Variants in GDPD5 observed in about 807,000 individuals in gnomAD.
The protein encoded by GDPD5 is glycerophosphodiester phosphodiesterase domain containing 5.
In GDPD5, 48 loss-of-function variants were observed where a neutral mutation model predicts 75.1. That is an observed-to-expected ratio of 0.64 (90% CI 0.51 to 0.81). The LOEUF (loss-of-function observed/expected upper bound fraction) is 0.81, where lower values mean the gene tolerates loss of function less well. GDPD5 is among the 40% of genes least tolerant of loss of function. GDPD5 has a pLI of 0.00. For synonymous variants in GDPD5, 336 were observed against 339.0 expected (o/e 0.99, Z 0.10); for missense variants, 706 against 822.6 (o/e 0.86, Z 1.73).
intron 9 of GDPD5, 89 bp downstream of exon 9, chr11:75,448,888 C>A: frequency 7.9e-6 from 11 of 1,399,420 alleles, no homozygotes; most frequent in Non-Finnish European, 1.0e-5. Context: ...CAAATGGTTG[C>A]TACCATTACA....
intron 5 of GDPD5, 86 bp from the exon 6 acceptor site, chr11:75,456,902 G>A (rs1444441606): frequency 2.4e-5 from 32 of 1,348,910 alleles, no homozygotes; most frequent in East Asian, 2.3e-4. Flanking sequence ...TCCCCACTGC[G>A]GCTCTGGGCC....
At chr11:75,443,424 C>T in intron 10 of GDPD5, 138 bp from the exon 11 acceptor site, 1 of 982,360 alleles carries the variant, frequency 1.0e-6, no homozygotes, top group Non-Finnish European at 1.5e-6. Context: ...CCTCAGTCTC[C>T]CCATCTGCAC....
chr11:75,455,585 G>C (rs1219162178), intron 6 of GDPD5, among the ~76,000 whole-genome samples: 1 of 152,228 alleles, frequency 6.6e-6, no homozygotes, highest in East Asian at 1.9e-4. Context: ...CTTCTAGCTA[G>C]AAGTGAGCCC....
rs143655840 is a variant in GDPD5 at position 75,506,354 on chromosome 11, T to C, written c.-144-16034A>G. On this transcript the variant is annotated intron_variant, in intron 1 of 16. Transcript: ENST00000336898. ...AACTTACTTGATAGGAAAAGGAAAA[T>C]TCATCATCAGGTAAACACAAGAGAG... 5.9e-5 allele frequency among the ~76,000 whole-genome samples: 9 copies of C among 151,950 alleles called. No individual in the cohort carries two copies. In the East Asian group the frequency reaches 1.7e-3, roughly 29 times the overall value.
chr11:75,521,173 C>T (rs1941441094), intron 1 of GDPD5, among the ~76,000 whole-genome samples: 1 of 152,186 alleles, frequency 6.6e-6, no homozygotes, highest in African/African-American at 2.4e-5. Context: ...GCCGACTCAC[C>T]CCAGGTCACA....
At chr11:75,458,863 G>A (rs902787999) in intron 4 of GDPD5, among the ~76,000 whole-genome samples, 2 of 152,084 alleles carry the variant, frequency 1.3e-5, no homozygotes, top group Non-Finnish European at 2.9e-5. Flanking sequence ...GCTCACTGAA[G>A]CTTTGACCTC....
chr11:75,456,774 G>A lies in GDPD5; in HGVS notation c.358C>T (p.Leu120=), dbSNP rs751476815. 6.2e-7 allele frequency: 1 copy of A among 1,614,258 alleles called. No homozygotes were observed. The highest frequency in any genetic ancestry group is 8.5e-7 in the Non-Finnish European group (1 of 1,180,040). The change falls in exon 6 of 17, where the codon CTG becomes TTG. Residue 120 remains leucine (L), a synonymous_variant. Transcript: ENST00000336898. The part of the protein sequence containing the change: ...CHIAVGQQMN[L]HWLHKIGLVV... Reference sequence around the variant, plus strand: ...GCCCTTACCTTGTGCAGCCAGTGCAGGTTCATCTGCTGCCCCACGGCAATG... The same window carrying A: ...GCCCTTACCTTGTGCAGCCAGTGCAAGTTCATCTGCTGCCCCACGGCAATG...
chr11:75,462,060 C>T (rs1490514651), intron 4 of GDPD5, among the ~76,000 whole-genome samples: 2 of 152,254 alleles, frequency 1.3e-5, no homozygotes, highest in Non-Finnish European at 2.9e-5. Flanking sequence ...CCAAACTCAT[C>T]TGCCAGCCCT....
intron 2 of GDPD5, among the ~76,000 whole-genome samples, chr11:75,482,730 C>G (rs1268618658): frequency 6.6e-6 from 1 of 152,208 alleles, no homozygotes; most frequent in Non-Finnish European, 1.5e-5. Context: ...CCTCCTGATC[C>G]TTCAAGTGTC....
intron 4 of GDPD5, among the ~76,000 whole-genome samples, chr11:75,459,651 A>G (rs1297725138): frequency 1.3e-5 from 2 of 152,158 alleles, no homozygotes; most frequent in African/African-American, 4.8e-5. Flanking sequence ...TCTACTAAAA[A>G]TACAAAAAAT....
intron 4 of GDPD5, among the ~76,000 whole-genome samples, chr11:75,458,565 G>A (rs1055333002): frequency 2.1e-4 from 32 of 152,020 alleles, no homozygotes; most frequent in Non-Finnish European, 4.0e-4. Flanking sequence ...CCAGCTACTC[G>A]GGAGGCCGAG....
intron 1 of GDPD5, among the ~76,000 whole-genome samples, chr11:75,499,820 C>T (rs772206151): frequency 8.5e-5 from 13 of 152,164 alleles, no homozygotes; most frequent in Non-Finnish European, 1.6e-4. Context: ...GCAGTGTCTA[C>T]GAAACAGCTT....
intron 1 of GDPD5, among the ~76,000 whole-genome samples, chr11:75,509,840 C>T (rs972490314): frequency 6.6e-6 from 1 of 152,164 alleles, no homozygotes; most frequent in Non-Finnish European, 1.5e-5. Context: ...CCACCAAGCC[C>T]GGCTAATTTT....
chr11:75,435,926 T>A (rs1948613569), intron 16 of GDPD5, among the ~76,000 whole-genome samples: 1 of 152,196 alleles, frequency 6.6e-6, no homozygotes, highest in Admixed American at 6.5e-5. Flanking sequence ...TCCACTCTCC[T>A]CAGGGCCTTT....
intron 11 of GDPD5, 42 bp downstream of exon 11, chr11:75,443,094 G>A: frequency 1.3e-6 from 2 of 1,572,772 alleles, no homozygotes; most frequent in Non-Finnish European, 1.7e-6. Context: ...AGTCCCTGCT[G>A]GTGTTTTCCA....
At chr11:75,458,040 C>T (rs1161740214) in intron 4 of GDPD5, among the ~76,000 whole-genome samples, 1 of 152,244 alleles carries the variant, frequency 6.6e-6, no homozygotes, top group African/African-American at 2.4e-5. Flanking sequence ...ATTACCAAGG[C>T]TGTGCTGGAT....
chr11:75,489,071 G>A (rs1020971917), intron 2 of GDPD5, among the ~76,000 whole-genome samples: 1 of 152,092 alleles, frequency 6.6e-6, no homozygotes, highest in Non-Finnish European at 1.5e-5. Context: ...AGGAAAAAAA[G>A]AACCAATCAA....
At chr11:75,438,498 C>T (rs556170499) in intron 15 of GDPD5, 1 of 152,428 alleles carries the variant, frequency 6.6e-6, no homozygotes, top group East Asian at 1.9e-4. Context: ...CTGCAGACAG[C>T]ATCAGCAACC....
chr11:75,474,210 A>G (rs993784453), intron 3 of GDPD5, among the ~76,000 whole-genome samples: 38 of 152,248 alleles, frequency 2.5e-4, no homozygotes, highest in African/African-American at 8.4e-4. Context: ...AATGTACTAC[A>G]GAAGTGCAAG....
Sources: allele counts gnomAD v4.1 joint callset (sites outside exome capture counted in the v4.1 genomes callset), GRCh38; gene constraint gnomAD v4.1.1; transcripts MANE v1.5; gene names NCBI Gene and HGNC (gene_info 2026-07-23, HGNC 2026-07-21).